Variants in LIPA observed in about 807,000 individuals in gnomAD.
The protein encoded by LIPA is lysosomal acid lipase/cholesteryl ester hydrolase.
Under a neutral mutation model 40.6 loss-of-function variants are expected in LIPA, and 26 were observed. That is an observed-to-expected ratio of 0.64 (90% CI 0.47 to 0.89). The LOEUF is 0.89. Among genes scored for constraint, LIPA ranks in the 40% least tolerant of loss-of-function variants. LIPA has a pLI of 0.00. For synonymous variants in LIPA, 188 were observed against 168.4 expected, an observed-to-expected ratio of 1.12 and a Z score of -0.90; for missense variants, 455 against 479.6, an observed-to-expected ratio of 0.95 and a Z score of 0.48.
intron 2 of LIPA, among the ~76,000 whole-genome samples, chr10:89,362,008 C>A: frequency 6.7e-6 from 1 of 150,016 alleles, no homozygotes; most frequent in Non-Finnish European, 1.5e-5. Flanking sequence ...AAGCAATCCT[C>A]CTACCTCAGC....
At chr10:89,306,572 C>A (rs763932752) in intron 1 of LIPA, 20 of 1,614,118 alleles carry the variant, frequency 1.2e-5, no homozygotes, top group Non-Finnish European at 1.3e-5. Context: ...TCGGCTGAAT[C>A]CTGACAACCA....
chr10:89,384,828 T>C (rs748025845), intron 2 of LIPA: 30 of 1,180,106 alleles, frequency 2.5e-5, no homozygotes, highest in Admixed American at 1.6e-4. Context: ...CTGTTGGAAA[T>C]TTACCTTATT....
intron 1 of LIPA, chr10:89,307,277 G>C (rs1451221876): frequency 6.2e-7 from 1 of 1,613,816 alleles, no homozygotes; most frequent in South Asian, 1.1e-5. Context: ...ATTCCTTCAG[G>C]AGCTGAATGA....
chr10:89,374,281 A>G (rs1844108324), intron 2 of LIPA, among the ~76,000 whole-genome samples: 1 of 152,186 alleles, frequency 6.6e-6, no homozygotes, highest in Non-Finnish European at 1.5e-5. Flanking sequence ...GCCCATTAGA[A>G]ATGAGTTTCC....
intron 2 of LIPA, among the ~76,000 whole-genome samples, chr10:89,412,086 A>T (rs1270455002): frequency 2.6e-5 from 4 of 152,188 alleles, no homozygotes; most frequent in African/African-American, 9.7e-5. Context: ...TGGCCTAAAG[A>T]GTTCCCCTCT....
chr10:89,276,022 A>G (rs1432930852), intron 1 of LIPA, among the ~76,000 whole-genome samples: 1 of 152,212 alleles, frequency 6.6e-6, no homozygotes, highest in African/African-American at 2.4e-5. Flanking sequence ...TTTCTACTCC[A>G]TAGTATAATT....
In LIPA at chr10:89,341,970, G is replaced by A. The variant is rs569309259; in HGVS notation, c.-2+641C>T. Among the ~76,000 whole-genome samples the A allele has an allele frequency of 3.0e-4, 46 of 152,310 alleles. 1 individual carries two copies. The highest frequency in any genetic ancestry group is 6.0e-4 in the Non-Finnish European group (41 of 68,026). On this transcript the variant is annotated intron_variant, in intron 1 of 5. Coordinates refer to the LIPA transcript ENST00000282673. Reference sequence around the variant, plus strand: ...TTGTGTTCTCACTACAAAAAGAAAGGTAAGTAGCTGAGGTAATGCATATGT... The same window carrying A: ...TTGTGTTCTCACTACAAAAAGAAAGATAAGTAGCTGAGGTAATGCATATGT...
intron 3 of LIPA, among the ~76,000 whole-genome samples, chr10:89,231,947 G>A (rs868700900): frequency 6.6e-6 from 1 of 152,088 alleles, no homozygotes; most frequent in Non-Finnish European, 1.5e-5. Flanking sequence ...AATTTACTAC[G>A]AAAAATGTAA....
At chr10:89,327,328 A>T (rs1843609204) in intron 1 of LIPA, among the ~76,000 whole-genome samples, 1 of 152,174 alleles carries the variant, frequency 6.6e-6, no homozygotes, top group Non-Finnish European at 1.5e-5. Context: ...AGGTGGTTGG[A>T]TCACCTGCTA....
At chr10:89,405,695 C>T (rs1459437801) in intron 2 of LIPA, 1 of 152,266 alleles carries the variant, frequency 6.6e-6, no homozygotes, top group African/African-American at 2.4e-5. Flanking sequence ...AAATCTCTCT[C>T]TCTGCTTCCT....
At chr10:89,250,103 C>CTTTTTTTTTTT (rs1564767193) in intron 1 of LIPA, among the ~76,000 whole-genome samples, 6 of 94,054 alleles carry the variant, frequency 6.4e-5, no homozygotes, top group Admixed American at 1.1e-4. Flanking sequence ...CTTTTCTTTT[C>CTTTTTTTTTTT]TTTCTTTTTT....
intron 1 of LIPA, among the ~76,000 whole-genome samples, chr10:89,271,884 A>G (rs1367490350): frequency 9.2e-5 from 14 of 151,884 alleles, no homozygotes; most frequent in Admixed American, 9.2e-4. Context: ...ACAACATATC[A>G]AAACCCCAAC....
chr10:89,286,751 G>T (rs144754510), intron 1 of LIPA, among the ~76,000 whole-genome samples: 1 of 151,740 alleles, frequency 6.6e-6, no homozygotes, highest in African/African-American at 2.4e-5. Context: ...ATTAAATTCC[G>T]GCCCTCAAAC....
At chr10:89,319,375 G>A (rs988365833) in intron 1 of LIPA, among the ~76,000 whole-genome samples, 2 of 152,052 alleles carry the variant, frequency 1.3e-5, no homozygotes, top group Non-Finnish European at 2.9e-5. Flanking sequence ...AATGATAAAG[G>A]GGATATCACC....
chr10:89,243,980 T>TG (rs1431304936), intron 3 of LIPA, among the ~76,000 whole-genome samples: 7 of 152,098 alleles, frequency 4.6e-5, no homozygotes, highest in Non-Finnish European at 8.8e-5. Context: ...GGTTATTCTT[T>TG]GGGGGAAAAA....
At chr10:89,383,191 G>C in intron 2 of LIPA, 1 of 796,258 alleles carries the variant, frequency 1.3e-6, no homozygotes. Flanking sequence ...GTAGAACCCA[G>C]AGGGGCACCA....
At chr10:89,366,567 T>C (rs1014593399) in intron 2 of LIPA, among the ~76,000 whole-genome samples, 2 of 152,004 alleles carry the variant, frequency 1.3e-5, no homozygotes, top group Non-Finnish European at 2.9e-5. Flanking sequence ...AACAGACACA[T>C]GAAAAAATGC....
chr10:89,410,276 C>T (rs1473394815), intron 2 of LIPA, among the ~76,000 whole-genome samples: 1 of 152,184 alleles, frequency 6.6e-6, no homozygotes, highest in African/African-American at 2.4e-5. Context: ...AGACAACTGC[C>T]TACTTAGATA....
chr10:89,226,678 T>A (rs943076944), intron 5 of LIPA, among the ~76,000 whole-genome samples: 2 of 152,252 alleles, frequency 1.3e-5, no homozygotes, highest in African/African-American at 2.4e-5. Context: ...TGTAATATAT[T>A]GTGGCTTACA....
Sources: gnomAD v4.1 joint callset for allele counts (sites outside exome capture counted in the v4.1 genomes callset) on GRCh38, gnomAD v4.1.1 for gene constraint, MANE v1.5 for transcripts, NCBI Gene and HGNC (gene_info 2026-07-23, HGNC 2026-07-21) for gene names.